The following MIDEAS variants were observed in gnomAD, a reference collection of about 807,000 sequenced individuals.
The protein encoded by MIDEAS is mitotic deacetylase associated SANT domain protein, also known as mitotic deacetylase-associated SANT domain protein.
In MIDEAS, 26 loss-of-function variants were observed where a neutral mutation model predicts 102.7. The ratio of observed to expected loss-of-function variants is 0.25; its 90% CI spans 0.19 to 0.35. The LOEUF is 0.35. Ranked by LOEUF, MIDEAS falls within the 10% of genes least tolerant of loss-of-function variation. The pLI, the probability that MIDEAS is intolerant of heterozygous loss-of-function variation, is 1.00. For synonymous variants in MIDEAS, 585 were observed against 591.0 expected (o/e 0.99, Z 0.15); for missense variants, 1,231 against 1,435.6 (o/e 0.86, Z 2.30).
chr14:73,744,994 G>A (rs746801058), intron 1 of MIDEAS, among the ~76,000 whole-genome samples: 5 of 152,156 alleles, frequency 3.3e-5, no homozygotes, highest in South Asian at 2.1e-4. Flanking sequence ...TTGGCAGACC[G>A]TTGTACCTTG....
At chr14:73,777,997 G>C (rs373059349) in intron 1 of MIDEAS, among the ~76,000 whole-genome samples, 1 of 151,946 alleles carries the variant, frequency 6.6e-6, no homozygotes, top group South Asian at 2.1e-4. Flanking sequence ...CAAGTACACA[G>C]TAAGGGCTCA....
At chr14:73,727,142 C>T in intron 5 of MIDEAS, 170 bp from the exon 6 acceptor site, 1 of 823,784 alleles carries the variant, frequency 1.2e-6, no homozygotes, top group Non-Finnish European at 1.8e-6. Flanking sequence ...CCTGGCACCA[C>T]CAGAAAGGCA....
chr14:73,777,048 C>T (rs2053696686), intron 1 of MIDEAS, among the ~76,000 whole-genome samples: 1 of 150,362 alleles, frequency 6.7e-6, no homozygotes, highest in Non-Finnish European at 1.5e-5. Context: ...CCAGCCTGGG[C>T]AACAGAGCAA....
chr14:73,718,809 G>A lies in MIDEAS; in HGVS notation c.*34C>T, dbSNP rs1323566108. 12 of 1,375,090 alleles carry A rather than the reference G, an allele frequency of 8.7e-6. No homozygotes were observed. The highest frequency in any genetic ancestry group is 2.6e-4 in the Middle Eastern group (1 of 3,870). 85.2% of individuals were successfully genotyped at this position (1,375,090 alleles called of 1,614,324 possible). A position where few individuals can be genotyped will look rare whatever the true frequency, so the allele number is the denominator to read the frequency against. On this transcript the variant is annotated 3_prime_UTR_variant, in exon 13 of 13. Transcript: ENST00000423556. ...CGCTGGCGGCGGTGCGGGAAGGGCC[G>A]AGGCCCAGGACTGGGCCAGCCTGGC...
chr14:73,718,906 A>G lies in MIDEAS; in HGVS notation c.3237T>C (p.Ala1079=), dbSNP rs1353029454. 1.1e-5 allele frequency: 17 copies of G among 1,521,196 alleles called. No individual in the cohort carries two copies. Among genetic ancestry groups the G allele is most frequent in the Admixed American group, 4.2e-5 (2 of 47,888 alleles). 94.2% of individuals were successfully genotyped at this position (1,521,196 alleles called of 1,614,324 possible). Residue 1079 remains alanine (A), a synonymous_variant, in exon 13 of 13, where the codon GCT becomes GCC. Transcript: ENST00000423556. ...CCTGCTGGTGGGCGGCGGCGGCGGCAGCAGCGGCCTCTTTCTCCTTCAGCC... is the reference window on the plus strand; with the variant it reads ...CCTGCTGGTGGGCGGCGGCGGCGGCGGCAGCGGCCTCTTTCTCCTTCAGCC... ...ALRLKEKEAA[A]AAAAAHQQAL... is the part of the protein sequence containing the mutation.
Position 73,778,295 on chromosome 14 carries a change from G to A in MIDEAS, c.-248+8807C>T, listed in dbSNP as rs1454022585. Among the ~76,000 whole-genome samples, 2 of 151,736 alleles carry A rather than the reference G, an allele frequency of 1.3e-5. 1 individual carries two copies. The highest frequency in any genetic ancestry group is 3.9e-4 in the East Asian group (2 of 5,140). On this transcript the variant is annotated intron_variant, in intron 1 of 11. Coordinates refer to the MIDEAS transcript ENST00000394071. ...GGAGAATCACTTGAACCTGGGAGGCGGAGGTTGCAGTGAGCTGAGATTGCG... is the reference window on the plus strand; with the variant it reads ...GGAGAATCACTTGAACCTGGGAGGCAGAGGTTGCAGTGAGCTGAGATTGCG...
chr14:73,751,379 G>C (rs902162858), intron 1 of MIDEAS, among the ~76,000 whole-genome samples: 2 of 152,218 alleles, frequency 1.3e-5, no homozygotes, highest in African/African-American at 2.4e-5. Context: ...GCTCCCTGGA[G>C]AGCAGCTTCA....
At position 73,725,001 on chromosome 14, in the gene MIDEAS, T is replaced by C; in HGVS notation, c.2574+271A>G. ...TCCTCCGCATCTTCCTCCTGCCTAT[T>C]TTAAGTCTGATGCCCACTTAGGCCT... On this transcript the variant is annotated intron_variant, in intron 9 of 12. Transcript: ENST00000423556. The surrounding 1 kb of genome is among the most constrained non-coding windows in gnomAD (Gnocchi z 4.1). 1 of 337,282 alleles carries C rather than the reference T, an allele frequency of 3.0e-6. No individual in the cohort carries two copies. Among genetic ancestry groups the C allele is most frequent in the Non-Finnish European group, 5.8e-6 (1 of 172,804 alleles). The allele number at this position is 337,282 out of a possible 1,614,324, so 20.9% of individuals were successfully genotyped here.
At chr14:73,738,254 G>C (rs1421552932) in intron 2 of MIDEAS, among the ~76,000 whole-genome samples, 1 of 152,106 alleles carries the variant, frequency 6.6e-6, no homozygotes, top group Non-Finnish European at 1.5e-5. Flanking sequence ...AAATTAGCCA[G>C]GCATGGTGGC....
rs750826331 is a variant in MIDEAS at position 73,722,778 on chromosome 14, G to A, written c.2644C>T (p.Arg882Cys). ...TCCCCAAAGGTTAGAGTCCCATTGC[G>A]GCCGATTTTCACCTGCTTCTTGTAG... Reference protein sequence around the residue: ...YTYKKQVKIGRNGTLTFGDVD... With the variant: ...YTYKKQVKIGCNGTLTFGDVD... The change falls in exon 10 of 13, where the codon CGC becomes TGC. Residue 882 changes from arginine to cysteine, a missense_variant. Arg to Cys is a radical substitution (Grantham distance 180). This residue lies in a region of MIDEAS where 391 missense variants were observed against 483.0 expected (regional missense o/e 0.81). Transcript: ENST00000423556. The A allele has an allele frequency of 3.8e-5, 62 of 1,614,050 alleles. No homozygotes were observed. Among genetic ancestry groups the A allele is most frequent in the South Asian group, 6.6e-5 (6 of 91,088 alleles).
intron 7 of MIDEAS, 31 bp downstream of exon 7, chr14:73,726,573 G>A (rs1373458408): frequency 1.2e-6 from 2 of 1,605,640 alleles, no homozygotes; most frequent in East Asian, 2.2e-5. Context: ...CCCACTGAGG[G>A]GCCCTCCCTC....
At chr14:73,724,634 G>C (rs2140099806) in intron 9 of MIDEAS, 1 of 155,110 alleles carries the variant, frequency 6.4e-6, no homozygotes, top group East Asian at 1.9e-4. Context: ...ACAATCCCAA[G>C]AGGAAAGGGC....
chr14:73,785,979 C>G (rs905453075), intron 1 of MIDEAS, among the ~76,000 whole-genome samples: 4 of 152,240 alleles, frequency 2.6e-5, no homozygotes, highest in African/African-American at 9.6e-5. Flanking sequence ...TCGCCACTAC[C>G]GAGGTCTTGC....
At chr14:73,773,674 G>A (rs904638950) in intron 1 of MIDEAS, among the ~76,000 whole-genome samples, 1 of 151,970 alleles carries the variant, frequency 6.6e-6, no homozygotes, top group South Asian at 2.1e-4. Context: ...ACAGGCCCAT[G>A]TGCATGCAGG....
chr14:73,723,775 A>G (rs1367645126), intron 9 of MIDEAS: 5 of 152,230 alleles, frequency 3.3e-5, no homozygotes, highest in Admixed American at 2.6e-4. Context: ...AAGTTGAGGG[A>G]AAAGGTCTGG....
chr14:73,781,725 ACT>A (rs1461981481), intron 1 of MIDEAS, among the ~76,000 whole-genome samples: 4 of 79,692 alleles, frequency 5.0e-5, no homozygotes, highest in African/African-American at 2.3e-4. Context: ...CAAGAGCGAA[ACT>A]CTGTCTCAAA....
chr14:73,780,932 T>G (rs1207230873), intron 1 of MIDEAS, among the ~76,000 whole-genome samples: 1 of 130,036 alleles, frequency 7.7e-6, no homozygotes, highest in African/African-American at 2.5e-5. Flanking sequence ...CCCTAGTTTT[T>G]TTTGTTTTTT....
chr14:73,732,825 T>TTTTTTTACAGGATTA (rs1234746484), intron 3 of MIDEAS, among the ~76,000 whole-genome samples: 1 of 138,650 alleles, frequency 7.2e-6, no homozygotes, highest in Non-Finnish European at 1.5e-5. Flanking sequence ...GTGCAGTGGC[T>TTTTTTTACAGGATTA]CACGCCTATA....
At chr14:73,721,231 T>A in intron 11 of MIDEAS, 66 bp downstream of exon 11, 4 of 1,472,768 alleles carry the variant, frequency 2.7e-6, no homozygotes, top group Middle Eastern at 1.7e-4. Context: ...CTACCCTCCC[T>A]CCCACGCCCC....
Sources: allele counts gnomAD v4.1 joint callset (sites outside exome capture counted in the v4.1 genomes callset), GRCh38; gene constraint gnomAD v4.1.1; regional missense constraint gnomAD v4.1.1; non-coding constraint Gnocchi (gnomAD v3.1); transcripts MANE v1.5; gene names NCBI Gene and HGNC (gene_info 2026-07-23, HGNC 2026-07-21).